Variants in INTS2 observed in about 807,000 individuals in gnomAD.
The protein encoded by INTS2 is KIAA1287.
In INTS2, 57 loss-of-function variants were observed where a neutral mutation model predicts 139.6. The ratio of observed to expected loss-of-function variants is 0.41; its 90% CI spans 0.33 to 0.51. INTS2 has a LOEUF of 0.51. Ranked by LOEUF, INTS2 falls within the 20% of genes least tolerant of loss-of-function variation. The pLI is 0.28. For synonymous variants in INTS2, 473 were observed against 493.4 expected (o/e 0.96, Z 0.55); for missense variants, 1,196 against 1,436.7 (o/e 0.83, Z 2.71).
chr17:61,897,085 G>A lies in INTS2; in HGVS notation c.1494+384C>T, dbSNP rs1415817837. Among the ~76,000 whole-genome samples, 2 of 152,170 alleles carry A rather than the reference G, an allele frequency of 1.3e-5. No homozygotes were observed. Among genetic ancestry groups the A allele is most frequent in the Middle Eastern group, 3.4e-3 (1 of 294 alleles). On this transcript the variant is annotated intron_variant, in intron 11 of 24. Transcript: ENST00000251334. The surrounding 1 kb of genome is among the most constrained non-coding windows in gnomAD (Gnocchi z 4.4). ...ATCAAACAATGGACTATAAGACAAT[G>A]CAGTCATTAAAAATTATACTGTATT...
rs1380770899 is a variant in INTS2 at position 61,868,430 on chromosome 17, G to A, written c.3245-421C>T. ...AATAATTATAACAGGATATAAATACGATGAAAAGAAAAACAACAGGGTATT... is the reference window on the plus strand; with the variant it reads ...AATAATTATAACAGGATATAAATACAATGAAAAGAAAAACAACAGGGTATT... On this transcript the variant is annotated intron_variant, in intron 23 of 24. Coordinates refer to ENST00000251334, the MANE Select transcript of INTS2 (RefSeq NM_001351695.2). This position sits in a 1 kb window ranked among gnomAD's most constrained non-coding sequence, Gnocchi z 4.7. Among the ~76,000 whole-genome samples the A allele has an allele frequency of 6.6e-6, 1 of 151,898 alleles. No homozygotes were observed. Among genetic ancestry groups the A allele is most frequent in the Non-Finnish European group, 1.5e-5 (1 of 67,900 alleles).
At position 61,867,740 on chromosome 17, in the gene INTS2, G is replaced by C; in HGVS notation, c.3422-14C>G. 6.4e-7 allele frequency: 1 copy of C among 1,568,402 alleles called. No individual in the cohort carries two copies. Among genetic ancestry groups the C allele is most frequent in the Non-Finnish European group, 8.6e-7 (1 of 1,159,132 alleles). ...TTTGTTGAAGACCTACAACATAAGGGAAAAAAAACATTAAGGCCAAGAAAT... is the reference window on the plus strand; with the variant it reads ...TTTGTTGAAGACCTACAACATAAGGCAAAAAAAACATTAAGGCCAAGAAAT... On this transcript the variant is annotated splice_polypyrimidine_tract_variant and intron_variant, in intron 24 of 24. Transcript: ENST00000251334. The surrounding 1 kb of genome is among the most constrained non-coding windows in gnomAD (Gnocchi z 5.6).
At chr17:61,892,444 G>C (rs187566671) in intron 13 of INTS2, among the ~76,000 whole-genome samples, 3 of 152,236 alleles carry the variant, frequency 2.0e-5, no homozygotes, top group Admixed American at 2.0e-4. Flanking sequence ...TTAGGTGTGA[G>C]GTGTCCTTAT....
At chr17:61,889,272 A>G (rs1462638637) in intron 15 of INTS2, among the ~76,000 whole-genome samples, 2 of 150,176 alleles carry the variant, frequency 1.3e-5, no homozygotes, top group African/African-American at 2.4e-5. Flanking sequence ...TTTTTAGTAG[A>G]GACGGGGTTT....
chr17:61,912,708 G>C (rs1013604634), intron 5 of INTS2, among the ~76,000 whole-genome samples: 1 of 152,004 alleles, frequency 6.6e-6, no homozygotes, highest in Admixed American at 6.6e-5. Flanking sequence ...GCCCTAAGTG[G>C]AACAAATGCA....
rs757768809 is a variant in INTS2, at chr17:61,921,817, G to C, written c.443C>G (p.Ser148Cys). 1.3e-6 allele frequency: 2 copies of C among 1,565,948 alleles called. No individual in the cohort carries two copies. The highest frequency in any genetic ancestry group is 1.8e-5 in the Admixed American group (1 of 54,290). Reference sequence around the variant, plus strand: ...AGACTTGAAAAAAAATTCTCCGTTGGACTCAGACACCTTAAAAAAGAAAAA... The same window carrying C: ...AGACTTGAAAAAAAATTCTCCGTTGCACTCAGACACCTTAAAAAAGAAAAA... ...LLAIMNKVSE[S>C]NGEFFFKSSE... The change falls in exon 4 of 25, where the codon TCC becomes TGC. Residue 148 changes from serine (S) to cysteine (C), a missense_variant. Coordinates refer to ENST00000251334, the MANE Select transcript of INTS2 (RefSeq NM_001351695.2).
intron 15 of INTS2, among the ~76,000 whole-genome samples, chr17:61,886,140 T>C (rs924555311): frequency 6.6e-6 from 1 of 152,008 alleles, no homozygotes; most frequent in African/African-American, 2.4e-5. Flanking sequence ...AACCTCTGCC[T>C]CCTGGATTCA....
chr17:61,899,012 G>A (rs1347600042), intron 9 of INTS2, among the ~76,000 whole-genome samples: 1 of 152,088 alleles, frequency 6.6e-6, no homozygotes, highest in Non-Finnish European at 1.5e-5. Context: ...GCAACAAAAA[G>A]CAAATGAAAA....
intron 2 of INTS2, 110 bp downstream of exon 2, chr17:61,926,242 C>T (rs2079712098): frequency 5.8e-6 from 5 of 859,774 alleles, no homozygotes; most frequent in Non-Finnish European, 7.2e-6. Flanking sequence ...AAGTAAAATG[C>T]TCTCCAGAAT....
chr17:61,907,168 A>AGG (rs1428100422), intron 8 of INTS2, among the ~76,000 whole-genome samples: 1 of 152,098 alleles, frequency 6.6e-6, no homozygotes, highest in Admixed American at 6.6e-5. Flanking sequence ...GGAAATTGAT[A>AGG]AACTGCTCTG....
At chr17:61,906,831 A>T (rs1224736749) in intron 8 of INTS2, among the ~76,000 whole-genome samples, 1 of 31,532 alleles carries the variant, frequency 3.2e-5, no homozygotes, top group African/African-American at 1.9e-4. Flanking sequence ...CTAAAAATAC[A>T]AAAAAAAAAA....
rs184752856 is a variant in INTS2, at chr17:61,915,165, C to T, written c.650-3095G>A. ...CATCCTGGTTAACACAGTGAAACCCCGTCTCTACTAAAAACACAAAAAATT... is the reference window on the plus strand; with the variant it reads ...CATCCTGGTTAACACAGTGAAACCCTGTCTCTACTAAAAACACAAAAAATT... On this transcript the variant is annotated intron_variant, in intron 5 of 24. Coordinates refer to ENST00000251334, the MANE Select transcript of INTS2 (RefSeq NM_001351695.2). Among the ~76,000 whole-genome samples, 884 of 150,896 alleles carry T rather than the reference C, an allele frequency of 5.9e-3. 7 individuals are homozygous for T. The highest frequency in any genetic ancestry group is 0.02 in the African/African-American group (841 of 41,058).
intron 16 of INTS2, among the ~76,000 whole-genome samples, chr17:61,883,019 C>T (rs78919046): frequency 6.6e-6 from 1 of 152,116 alleles, no homozygotes; most frequent in African/African-American, 2.4e-5. Context: ...GAAAAGACAT[C>T]GTAACAATCA....
rs1275973094 is a variant in INTS2 at position 61,873,682 on chromosome 17, CA to C, written c.2583-1223del. ...ATTTCCTATGAGATCTTAATCTTAC[CA>C]AACCATATTTAGCTAATTTTGTAGA... On this transcript the variant is annotated intron_variant, in intron 19 of 24. Transcript: ENST00000251334. This position sits in a 1 kb window ranked among gnomAD's most constrained non-coding sequence, Gnocchi z 4.0. Among the ~76,000 whole-genome samples, 1 of 152,072 alleles carries C rather than the reference CA, an allele frequency of 6.6e-6. No individual in the cohort carries two copies. The highest frequency in any genetic ancestry group is 1.5e-5 in the Non-Finnish European group (1 of 67,996).
chr17:61,925,304 G>A (rs1436310779), intron 2 of INTS2, among the ~76,000 whole-genome samples: 1 of 152,226 alleles, frequency 6.6e-6, no homozygotes, highest in Non-Finnish European at 1.5e-5. Flanking sequence ...ACATAGGCCA[G>A]GCACAGTGGC....
Position 61,867,023 on chromosome 17 carries a change from G to A in INTS2, c.*534C>T, listed in dbSNP as rs2079051378. The A allele has an allele frequency of 6.6e-6, 1 of 152,166 alleles. No homozygotes were observed. Among genetic ancestry groups the A allele is most frequent in the Non-Finnish European group, 1.5e-5 (1 of 68,026 alleles). 9.4% of individuals were successfully genotyped at this position (152,166 alleles called of 1,614,324 possible). A position where few individuals can be genotyped will look rare whatever the true frequency, so the allele number is the denominator to read the frequency against. Reference sequence around the variant, plus strand: ...TCTCAATACTCTTTCTTGAGAACTAGAATTCCAACTTGCATTACTATTACT... The same window carrying A: ...TCTCAATACTCTTTCTTGAGAACTAAAATTCCAACTTGCATTACTATTACT... On this transcript the variant is annotated 3_prime_UTR_variant, in exon 25 of 25. Transcript: ENST00000251334. The surrounding 1 kb of genome is among the most constrained non-coding windows in gnomAD (Gnocchi z 5.6).
intron 5 of INTS2, among the ~76,000 whole-genome samples, chr17:61,917,867 TA>T (rs1179577933): frequency 5.9e-5 from 9 of 152,208 alleles, no homozygotes; most frequent in Admixed American, 3.3e-4. Flanking sequence ...AAGGGGGATA[TA>T]ACTATAAATG....
chr17:61,918,390 C>T (rs888556316), intron 5 of INTS2, among the ~76,000 whole-genome samples: 1 of 152,086 alleles, frequency 6.6e-6, no homozygotes, highest in African/African-American at 2.4e-5. Context: ...TACAGGCATC[C>T]ACCACCAAGC....
chr17:61,897,606 A>G lies in INTS2; in HGVS notation c.1380-23T>C. 1 of 1,582,756 alleles carries G rather than the reference A, an allele frequency of 6.3e-7. No homozygotes were observed. Among genetic ancestry groups the G allele is most frequent in the Non-Finnish European group, 8.6e-7 (1 of 1,160,186 alleles). ...GTACTGTCAAAACAAAATAGGAAAT[A>G]TGAATTTTCCAAAGAGAGAAGAAGA... On this transcript the variant is annotated intron_variant, in intron 10 of 24. Transcript: ENST00000251334. This position sits in a 1 kb window ranked among gnomAD's most constrained non-coding sequence, Gnocchi z 4.4.
Sources: gnomAD v4.1 joint callset for allele counts (sites outside exome capture counted in the v4.1 genomes callset) on GRCh38, gnomAD v4.1.1 for gene constraint, Gnocchi (gnomAD v3.1) non-coding constraint, MANE v1.5 for transcripts, NCBI Gene and HGNC (gene_info 2026-07-23, HGNC 2026-07-21) for gene names.